Variants in DLG5 observed in about 807,000 individuals in gnomAD.
DLG5 encodes the protein disks large homolog 5.
DLG5 carries 48 observed loss-of-function variants against 189.8 expected under a neutral mutation model. That is an observed-to-expected ratio of 0.25 (90% confidence interval 0.20 to 0.32). The LOEUF is 0.32. Among genes scored for constraint, DLG5 ranks in the 10% least tolerant of loss-of-function variants. The pLI is 1.00. For synonymous variants in DLG5, 1,016 were observed against 1,054.1 expected, an observed-to-expected ratio of 0.96 and a Z score of 0.70; for missense variants, 2,160 against 2,544.7, an observed-to-expected ratio of 0.85 and a Z score of 3.25.
chr10:77,821,266 A>G lies in DLG5; in HGVS notation c.3218T>C (p.Ile1073Thr). Reference sequence around the variant, plus strand: ...TCCTTCAGGGTAGTAGCTGGAAGCAATGCGGACCCTGGCCTTGCGAGGGGG... The same window carrying G: ...TCCTTCAGGGTAGTAGCTGGAAGCAGTGCGGACCCTGGCCTTGCGAGGGGG... ...ASPPRKARVR[I>T]ASSYYPEGDG... Residue 1073 changes from isoleucine to threonine, a missense_variant, in exon 15 of 32, where the codon ATT becomes ACT. Transcript: ENST00000372391. 6.2e-7 allele frequency: 1 copy of G among 1,613,818 alleles called. No homozygotes were observed. The highest frequency in any genetic ancestry group is 8.5e-7 in the Non-Finnish European group (1 of 1,180,014).
chr10:77,806,206 C>T (rs888556296), intron 26 of DLG5: 1 of 303,408 alleles, frequency 3.3e-6, no homozygotes, highest in Non-Finnish European at 6.1e-6. Flanking sequence ...GGGATGCAGG[C>T]TGCCTCGAAA....
intron 5 of DLG5, among the ~76,000 whole-genome samples, chr10:77,851,039 G>A (rs569092245): frequency 2.0e-5 from 3 of 152,346 alleles, no homozygotes; most frequent in African/African-American, 7.2e-5. Context: ...CACACAGCAG[G>A]GTGTAGGTAA....
Position 77,820,020 on chromosome 10 carries a change from T to C in DLG5, c.3403-2A>G. 1 of 1,613,266 alleles carries C rather than the reference T, an allele frequency of 6.2e-7. No homozygotes were observed. The highest frequency in any genetic ancestry group is 8.5e-7 in the Non-Finnish European group (1 of 1,179,976). On this transcript the variant is annotated splice_acceptor_variant, in intron 15 of 31. Transcript: ENST00000372391. LOFTEE classifies it high-confidence loss of function. ...ACTGGCCGGGACACACTTCTGTTCC[T>C]GCAGATGCAAGGGCAAGAGTGTCTG... is the stretch of plus-strand genomic sequence containing the variant.
chr10:77,812,284 G>A lies in DLG5; in HGVS notation c.4119C>T (p.Tyr1373=), dbSNP rs746843270. The A allele has an allele frequency of 2.8e-5, 46 of 1,614,218 alleles. No homozygotes were observed. In the East Asian group the frequency reaches 4.0e-4, roughly 14 times the overall value. ...TGCTCCCCACGGTCACCTTGGAGAC[G>A]TAGATGCCGCCCTTCTCTCCACTCA... ...SIVSGEKGGI[Y]VSKVTVGSIA... is the part of the protein sequence containing the mutation. The change falls in exon 21 of 32, where the codon TAC becomes TAT. Residue 1373 remains tyrosine, a synonymous_variant. Transcript: ENST00000372391.
chr10:77,829,199 G>A (rs554353091), intron 12 of DLG5, among the ~76,000 whole-genome samples, 156 bp downstream of exon 12: 4 of 152,344 alleles, frequency 2.6e-5, no homozygotes, highest in African/African-American at 7.2e-5. Flanking sequence ...TCAGGGCCCA[G>A]ACCACCTCTT....
At position 77,875,054 on chromosome 10, in the gene DLG5, A is replaced by G. The variant is rs1214567160; in HGVS notation, c.305-5857T>C. 3.3e-5 allele frequency among the ~76,000 whole-genome samples: 5 copies of G among 152,388 alleles called. No individual in the cohort carries two copies. In the South Asian group the frequency reaches 1.0e-3, roughly 32 times the overall value. On this transcript the variant is annotated intron_variant, in intron 1 of 31. Transcript: ENST00000372391. ...TTTCCATAACAACCCAAAGGTTGTC[A>G]TTATTAGTCCCATTTCACAGAGGAA...
chr10:77,881,742 T>C (rs1298314639), intron 1 of DLG5, among the ~76,000 whole-genome samples: 1 of 152,182 alleles, frequency 6.6e-6, no homozygotes, highest in Non-Finnish European at 1.5e-5. Flanking sequence ...TGTCCCTTCG[T>C]GCCACACCAT....
intron 20 of DLG5, chr10:77,815,982 A>G: frequency 2.6e-6 from 1 of 391,060 alleles, no homozygotes; most frequent in Admixed American, 3.0e-5. Context: ...AGATGGACCT[A>G]CATTCTAAAA....
At chr10:77,822,281 A>C (rs1014068403) in intron 14 of DLG5, among the ~76,000 whole-genome samples, 180 bp from the exon 15 acceptor site, 2 of 152,206 alleles carry the variant, frequency 1.3e-5, no homozygotes, top group Non-Finnish European at 2.9e-5. Context: ...CCTAATGGAT[A>C]AGTTTTCTCA....
intron 1 of DLG5, among the ~76,000 whole-genome samples, chr10:77,888,029 ACTT>A (rs1394282997): frequency 6.6e-6 from 1 of 152,178 alleles, no homozygotes; most frequent in Admixed American, 6.5e-5. Context: ...TGGGCTCCCA[ACTT>A]CTTAGTTTAA....
chr10:77,829,518 C>A lies in DLG5; in HGVS notation c.2022G>T (p.Trp674Cys). Residue 674 changes from tryptophan (W) to cysteine (C), a missense_variant, in exon 12 of 32, where the codon TGG (tryptophan) becomes TGT (cysteine). By Grantham distance (215) the Trp-to-Cys change is radical. This residue lies in a region of DLG5 where 107 missense variants were observed against 214.5 expected (regional missense o/e 0.50). Coordinates refer to ENST00000372391, the MANE Select transcript of DLG5 (RefSeq NM_004747.4). ...GGTCCACATCGTTGATTCTCAGCAG[C>A]CAGTCATTGACCCTGAGAAAGGGCA... The part of the protein sequence containing the change: ...IADGRLRVND[W>C]LLRINDVDLI... The A allele has an allele frequency of 6.2e-7, 1 of 1,607,550 alleles. No homozygotes were observed. The highest frequency in any genetic ancestry group is 8.5e-7 in the Non-Finnish European group (1 of 1,176,168).
intron 16 of DLG5, 120 bp from the exon 17 acceptor site, chr10:77,819,585 G>A: frequency 7.4e-7 from 1 of 1,358,730 alleles, no homozygotes; most frequent in South Asian, 1.5e-5. Flanking sequence ...GGACTTGGGA[G>A]ATGAGTTTTA....
At chr10:77,914,233 G>A (rs1454222162) in intron 1 of DLG5, among the ~76,000 whole-genome samples, 1 of 152,176 alleles carries the variant, frequency 6.6e-6, no homozygotes, top group Non-Finnish European at 1.5e-5. Flanking sequence ...GGGCCTCCTC[G>A]TCCACTGCAG....
chr10:77,883,984 CCA>C (rs1469959092), intron 1 of DLG5, among the ~76,000 whole-genome samples: 15 of 152,170 alleles, frequency 9.9e-5, no homozygotes, highest in Non-Finnish European at 1.9e-4. Context: ...CAGGCGTGAG[CCA>C]TCACGCCTGG....
rs748394678 is a variant in DLG5, at chr10:77,829,281, G to A, written c.2185+74C>T. The A allele has an allele frequency of 3.8e-6, 6 of 1,593,464 alleles. No homozygotes were observed. In the South Asian group the frequency reaches 5.6e-5, roughly 15 times the overall value. On this transcript the variant is annotated intron_variant, in intron 12 of 31. Coordinates refer to ENST00000372391, the MANE Select transcript of DLG5 (RefSeq NM_004747.4). ...CCCTGTGAATGAGGTGCTCTAAGGGGCACCCCCGGCCCCTGTCCACAAAAA... is the reference window on the plus strand; with the variant it reads ...CCCTGTGAATGAGGTGCTCTAAGGGACACCCCCGGCCCCTGTCCACAAAAA...
intron 5 of DLG5, among the ~76,000 whole-genome samples, chr10:77,846,475 G>A (rs1843699154): frequency 6.6e-6 from 1 of 152,084 alleles, no homozygotes; most frequent in African/African-American, 2.4e-5. Context: ...GAGGTGAGCA[G>A]ATCACAAGAT....
At chr10:77,823,721 G>A (rs1034666984) in intron 14 of DLG5, among the ~76,000 whole-genome samples, 1 of 152,032 alleles carries the variant, frequency 6.6e-6, no homozygotes, top group African/African-American at 2.4e-5. Flanking sequence ...GTAGAGACGG[G>A]GTTTCTCCAT....
intron 5 of DLG5, among the ~76,000 whole-genome samples, chr10:77,847,117 G>A (rs1005663182): frequency 2.0e-5 from 3 of 152,146 alleles, no homozygotes; most frequent in African/African-American, 7.2e-5. Flanking sequence ...AGCAAGGGCC[G>A]TGAGAGTGGG....
At chr10:77,841,636 C>T (rs1157464214) in intron 7 of DLG5, among the ~76,000 whole-genome samples, 1 of 152,176 alleles carries the variant, frequency 6.6e-6, no homozygotes, top group African/African-American at 2.4e-5. Context: ...GGTGTGTAAG[C>T]TCCGGGCAGC....
Sources: gnomAD v4.1 joint callset for allele counts (sites outside exome capture counted in the v4.1 genomes callset) on GRCh38, gnomAD v4.1.1 for gene constraint, gnomAD v4.1.1 regional missense constraint, MANE v1.5 for transcripts, NCBI Gene and HGNC (gene_info 2026-07-23, HGNC 2026-07-21) for gene names.